Variants in NPC1 observed in about 807,000 individuals in gnomAD.
NPC1 encodes the protein NPC intracellular cholesterol transporter 1, also known as Niemann-Pick C1 protein.
NPC1 carries 85 observed loss-of-function variants against 140.4 expected under a neutral mutation model. That is an observed-to-expected ratio of 0.61 (90% CI 0.51 to 0.72). The LOEUF is 0.72. NPC1 is among the 30% of genes least tolerant of loss of function. The pLI is 0.00. For synonymous variants in NPC1, 656 were observed against 624.8 expected, an observed-to-expected ratio of 1.05 and a Z score of -0.74; for missense variants, 1,504 against 1,623.8, an observed-to-expected ratio of 0.93 and a Z score of 1.27.
chr18:23,569,944 T>C (rs1278503432), intron 3 of NPC1, among the ~76,000 whole-genome samples: 1 of 152,226 alleles, frequency 6.6e-6, no homozygotes, highest in Non-Finnish European at 1.5e-5. Context: ...GCTGTTTCAT[T>C]AGACTTGCAT....
intron 9 of NPC1, among the ~76,000 whole-genome samples, chr18:23,553,555 G>A (rs1012407457): frequency 1.3e-5 from 2 of 152,292 alleles, no homozygotes; most frequent in East Asian, 3.9e-4. Context: ...CTTAGCTCTT[G>A]AGAAGTAGTC....
Position 23,538,669 on chromosome 18 carries a change from C to T in NPC1, c.2914G>A (p.Val972Ile). ...ITDQFCNASV[V>I]DPACVRCRPL... ...CTGCAGCGAACGCAGGCAGGGTCAA[C>T]CACTGGCGGAGACATGCAGGGAGGA... The change falls in exon 20 of 25, where the codon GTT becomes ATT. Residue 972 changes from valine to isoleucine, a missense_variant and splice_region_variant. Coordinates refer to ENST00000269228, the MANE Select transcript of NPC1 (RefSeq NM_000271.5). The T allele has an allele frequency of 6.2e-7, 1 of 1,614,034 alleles. No homozygotes were observed. Among genetic ancestry groups the T allele is most frequent in the Non-Finnish European group, 8.5e-7 (1 of 1,180,034 alleles).
Position 23,586,398 on chromosome 18 carries a change from C to T in NPC1, c.-55G>A. On this transcript the variant is annotated 5_prime_UTR_variant, in exon 1 of 25. Coordinates refer to ENST00000269228, the MANE Select transcript of NPC1 (RefSeq NM_000271.5). ...GCGGCGTTCGGCTGGTTGGGCTCCCCGGAGGCGGCTCTACTTCCCCGGGCT... is the reference window on the plus strand; with the variant it reads ...GCGGCGTTCGGCTGGTTGGGCTCCCTGGAGGCGGCTCTACTTCCCCGGGCT... The T allele has an allele frequency of 6.5e-7, 1 of 1,529,156 alleles. No individual in the cohort carries two copies. The highest frequency in any genetic ancestry group is 2.5e-5 in the East Asian group (1 of 40,290). 94.7% of individuals were successfully genotyped at this position (1,529,156 alleles called of 1,614,324 possible).
rs758319859 is a variant in NPC1 at position 23,540,014 on chromosome 18, TA to T, written c.2605-14del. The T allele has an allele frequency of 1.2e-6, 2 of 1,609,172 alleles. No homozygotes were observed. Among genetic ancestry groups the T allele is most frequent in the South Asian group, 2.2e-5 (2 of 90,984 alleles). On this transcript the variant is annotated splice_polypyrimidine_tract_variant and intron_variant, in intron 17 of 24. Coordinates refer to ENST00000269228, the MANE Select transcript of NPC1 (RefSeq NM_000271.5). ...CCATGTAGGAGTCCTGAAAGAAAGA[TA>T]AAAGAATAGGAGAGAGTGTGAACAC...
chr18:23,551,925 A>G (rs550651802), intron 9 of NPC1, among the ~76,000 whole-genome samples, 198 bp from the exon 10 acceptor site: 1 of 152,352 alleles, frequency 6.6e-6, no homozygotes, highest in East Asian at 1.9e-4. Flanking sequence ...GCAGGCAAAT[A>G]CAGCCCAGTG....
chr18:23,534,453 C>G lies in NPC1; in HGVS notation c.3584G>C (p.Gly1195Ala). 6.2e-7 allele frequency: 1 copy of G among 1,612,020 alleles called. No homozygotes were observed. The highest frequency in any genetic ancestry group is 1.3e-5 in the African/African-American group (1 of 75,044). ...CCTGCTCAGGGTACTCACGGAGCTG[C>G]CCATGTGGGCAAGTGCCTCTTCCGC... ...ERAEEALAHMGSSVFSGITLT... is the reference protein window; with the variant it reads ...ERAEEALAHMASSVFSGITLT... Residue 1195 changes from glycine (G) to alanine (A), a missense_variant, in exon 23 of 25, where the codon GGC becomes GCC. By Grantham distance (60) the Gly-to-Ala change is moderately conservative. Transcript: ENST00000269228.
chr18:23,512,931 A>G (rs1323976524), intron 3 of NPC1, among the ~76,000 whole-genome samples: 1 of 151,644 alleles, frequency 6.6e-6, no homozygotes, highest in African/African-American at 2.4e-5. Flanking sequence ...AGCAATCTCT[A>G]TTTTACTTTC....
chr18:23,585,235 C>T (rs1269465221), intron 1 of NPC1, among the ~76,000 whole-genome samples: 1 of 152,098 alleles, frequency 6.6e-6, no homozygotes, highest in East Asian at 1.9e-4. Context: ...TCAACCTCAA[C>T]AATGAAAAGA....
chr18:23,526,777 C>A, downstream of NPC1: 5 of 1,613,074 alleles, frequency 3.1e-6, no homozygotes, highest in Non-Finnish European at 4.2e-6. Flanking sequence ...TAAGTTGAAT[C>A]CTTCCCCCTT....
At chr18:23,534,342 C>T in intron 23 of NPC1, 104 bp downstream of exon 23, 1 of 811,764 alleles carries the variant, frequency 1.2e-6, no homozygotes, top group South Asian at 1.4e-5. Flanking sequence ...AGCTTGCAAT[C>T]CTTAGAAGCT....
At position 23,560,287 on chromosome 18, in the gene NPC1, G is replaced by A. The variant is rs1291859932; in HGVS notation, c.825C>T (p.Thr275=). The change falls in exon 6 of 25, where the codon ACC becomes ACT. Residue 275 remains threonine, a synonymous_variant. Coordinates refer to ENST00000269228, the MANE Select transcript of NPC1 (RefSeq NM_000271.5). ...AAAACACAAGCAAAAACGCCATGTA[G>A]GTGATCCACATGATGACATACATGG... The part of the protein sequence containing the change: ...LDAMYVIMWI[T]YMAFLLVFFG... 1 of 1,614,086 alleles carries A rather than the reference G, an allele frequency of 6.2e-7. No individual in the cohort carries two copies. Among genetic ancestry groups the A allele is most frequent in the South Asian group, 1.1e-5 (1 of 91,076 alleles).
chr18:23,584,401 A>G (rs2059390995), intron 1 of NPC1, among the ~76,000 whole-genome samples: 1 of 152,234 alleles, frequency 6.6e-6, no homozygotes, highest in Admixed American at 6.5e-5. Flanking sequence ...TTTTAAAATA[A>G]TAATAGGATT....
intron 8 of NPC1, 79 bp from the exon 9 acceptor site, chr18:23,555,063 T>A: frequency 1.1e-6 from 1 of 915,602 alleles, no homozygotes; most frequent in Non-Finnish European, 1.8e-6. Flanking sequence ...AGCATTGCCC[T>A]GAGGGTCAGA....
downstream of NPC1, among the ~76,000 whole-genome samples, chr18:23,518,700 G>C (rs750488157): frequency 1.3e-5 from 2 of 152,148 alleles, no homozygotes; most frequent in Non-Finnish European, 2.9e-5. Context: ...GCTGTGTTTA[G>C]TGTGTGTTCT....
chr18:23,564,130 G>A (rs974149618), intron 4 of NPC1, among the ~76,000 whole-genome samples: 8 of 150,664 alleles, frequency 5.3e-5, no homozygotes, highest in Non-Finnish European at 8.9e-5. Flanking sequence ...GATTACAGGC[G>A]CACATCACCA....
intron 3 of NPC1, among the ~76,000 whole-genome samples, chr18:23,513,212 C>T (rs1467021855): frequency 2.0e-5 from 3 of 152,190 alleles, no homozygotes; most frequent in Admixed American, 6.5e-5. Context: ...CCTCAGCCTC[C>T]CAAAGTGCTG....
At chr18:23,529,636 A>C (rs2058424891), downstream of NPC1, 3 of 1,613,926 alleles carry the variant, frequency 1.9e-6, no homozygotes, top group Non-Finnish European at 2.5e-6. Flanking sequence ...TCTCCCTAGG[A>C]GATGCCTCAT....
At chr18:23,535,862 C>T (rs1045995685) in intron 21 of NPC1, among the ~76,000 whole-genome samples, 162 bp from the exon 22 acceptor site, 2 of 152,118 alleles carry the variant, frequency 1.3e-5, no homozygotes, top group African/African-American at 4.8e-5. Flanking sequence ...ACTCACTTGA[C>T]CTCTCATGGC....
rs149612530 is a variant in NPC1, at chr18:23,573,506, G to A, written c.126C>T (p.Cys42=). 9.9e-6 allele frequency: 16 copies of A among 1,613,924 alleles called. No homozygotes were observed. The highest frequency in any genetic ancestry group is 1.2e-5 in the Non-Finnish European group (14 of 1,180,024). The change falls in exon 2 of 25, where the codon TGC becomes TGT. Residue 42 remains cysteine (C), a synonymous_variant. Transcript: ENST00000269228. ...GIAYGDKRYN[C]EYSGPPKPLP... ...ATGGTTTTGGTGGGCCAGAATATTC[G>A]CAATTGTACCTCTTGTCCCCATATG...
Sources: gnomAD v4.1 joint callset for allele counts (sites outside exome capture counted in the v4.1 genomes callset) on GRCh38, gnomAD v4.1.1 for gene constraint, MANE v1.5 for transcripts, NCBI Gene and HGNC (gene_info 2026-07-23, HGNC 2026-07-21) for gene names.